Variants in UBR3 observed in about 807,000 individuals in gnomAD.
UBR3 encodes the protein E3 ubiquitin-protein ligase UBR3.
Under a neutral mutation model 243.2 loss-of-function variants are expected in UBR3, and 85 were observed. The ratio of observed to expected loss-of-function variants is 0.35; its 90% CI spans 0.29 to 0.42. The LOEUF is 0.42. UBR3 is among the 10% of genes least tolerant of loss of function. UBR3 has a pLI of 1.00. For missense variants in UBR3, 1,686 were observed against 2,300.8 expected (o/e 0.73, Z 5.47); for synonymous variants, 748 against 799.8 (o/e 0.94, Z 1.09).
chr2:170,014,971 GT>G (rs5836256), intron 29 of UBR3: 103,952 of 166,538 alleles, frequency 0.62, 31,355 homozygotes, highest in East Asian at 0.84. Flanking sequence ...ATATGTTGCA[GT>G]TTTTTTTTTT....
intron 1 of UBR3, among the ~76,000 whole-genome samples, chr2:169,848,708 A>ATT (rs35893950): frequency 1.4e-5 from 2 of 144,608 alleles, no homozygotes; most frequent in Admixed American, 6.9e-5. Context: ...AAGTTTTTTA[A>ATT]TTTTTTTTTT....
In UBR3 at chr2:169,923,923, T is replaced by G; in HGVS notation, c.1867-6T>G. 1 of 1,534,930 alleles carries G rather than the reference T, an allele frequency of 6.5e-7. No homozygotes were observed. Among genetic ancestry groups the G allele is most frequent in the Non-Finnish European group, 8.8e-7 (1 of 1,142,844 alleles). On this transcript the variant is annotated splice_polypyrimidine_tract_variant and splice_region_variant and intron_variant, in intron 11 of 38. Coordinates refer to ENST00000272793, the MANE Select transcript of UBR3 (RefSeq NM_172070.4). ...TTGACTTGTGCATTTTGTTTGTTTA[T>G]TCCAGCCAGCACCTAACCAAGTCAC...
intron 25 of UBR3, among the ~76,000 whole-genome samples, chr2:169,993,896 C>G (rs1465577003): frequency 6.6e-6 from 1 of 152,158 alleles, no homozygotes; most frequent in Non-Finnish European, 1.5e-5. Flanking sequence ...CTTCCTTGCT[C>G]TTTTTAATCA....
At chr2:169,913,349 GTTTGTTT>G (rs1229288784) in intron 10 of UBR3, among the ~76,000 whole-genome samples, 1 of 121,844 alleles carries the variant, frequency 8.2e-6, no homozygotes, top group Admixed American at 8.6e-5. Flanking sequence ...TTTTTTGTTT[GTTTGTTT>G]TTTGTTTTTT....
rs113297484 is a variant in UBR3, at chr2:169,965,889, A to G, written c.3634+7363A>G. On this transcript the variant is annotated intron_variant, in intron 24 of 38. Coordinates refer to ENST00000272793, the MANE Select transcript of UBR3 (RefSeq NM_172070.4). ...GTAGTTGCTCCTTTTTATTGTGTCT[A>G]TATCTTTGTATATAACAAAAATTCT... is the stretch of plus-strand genomic sequence containing the variant. Among the ~76,000 whole-genome samples, 10 of 152,330 alleles carry G rather than the reference A, an allele frequency of 6.6e-5. No individual in the cohort carries two copies. In the South Asian group the frequency reaches 1.9e-3, roughly 28 times the overall value.
Position 169,851,057 on chromosome 2 carries a change from T to C in UBR3, c.546-21179T>C, listed in dbSNP as rs115066508. Among the ~76,000 whole-genome samples, 1,185 of 152,346 alleles carry C rather than the reference T, an allele frequency of 7.8e-3. 13 individuals carry two copies. The highest frequency in any genetic ancestry group is 0.026 in the African/African-American group (1,071 of 41,570). On this transcript the variant is annotated intron_variant, in intron 1 of 38. Coordinates refer to ENST00000272793, the MANE Select transcript of UBR3 (RefSeq NM_172070.4). ...AATCCTTGTCTTTCAGTAGGTATGC[T>C]TAGACTATTCACAGTTGTTTTAATT...
chr2:170,014,660 T>C, intron 29 of UBR3: 1 of 152,194 alleles, frequency 6.6e-6, no homozygotes, highest in South Asian at 2.1e-4. Context: ...CAGGTCTGTA[T>C]GAACAGTATT....
intron 28 of UBR3, 96 bp downstream of exon 28, chr2:170,007,286 C>T: frequency 7.6e-7 from 1 of 1,309,320 alleles, no homozygotes; most frequent in South Asian, 1.5e-5. Context: ...TGGACTTTTA[C>T]ATATTTAGTA....
Position 169,946,400 on chromosome 2 carries a change from G to A in UBR3, c.2910+8G>A. On this transcript the variant is annotated splice_region_variant and intron_variant, in intron 21 of 38. Coordinates refer to ENST00000272793, the MANE Select transcript of UBR3 (RefSeq NM_172070.4). ...GAAGAATCAGATGAAGAGGTAAGTA[G>A]TTTTTATAATTTAAAATTTTTAGAT... The A allele has an allele frequency of 6.9e-7, 1 of 1,454,676 alleles. No individual in the cohort carries two copies. 90.1% of individuals were successfully genotyped at this position (1,454,676 alleles called of 1,614,324 possible). A position where few individuals can be genotyped will look rare whatever the true frequency, so the allele number is the denominator to read the frequency against.
At chr2:169,891,117 C>A in intron 5 of UBR3, 48 bp from the exon 6 acceptor site, 4 of 1,406,582 alleles carry the variant, frequency 2.8e-6, no homozygotes, top group South Asian at 2.5e-5. Flanking sequence ...TAAAGTGTAT[C>A]AATTTATGAA....
At chr2:169,851,836 CAAA>C (rs139828838) in intron 1 of UBR3, among the ~76,000 whole-genome samples, 12 of 90,482 alleles carry the variant, frequency 1.3e-4, no homozygotes, top group South Asian at 1.1e-3. Context: ...GGCTCCGTCT[CAAA>C]AAAAAAAAAA....
At chr2:169,899,210 C>G (rs900461348) in intron 8 of UBR3, among the ~76,000 whole-genome samples, 2 of 143,450 alleles carry the variant, frequency 1.4e-5, no homozygotes, top group Non-Finnish European at 1.5e-5. Flanking sequence ...GGACTCCTGA[C>G]GTCAGGTGAT....
intron 31 of UBR3, among the ~76,000 whole-genome samples, chr2:170,032,808 G>C (rs1420876627): frequency 1.3e-5 from 2 of 151,802 alleles, no homozygotes; most frequent in Non-Finnish European, 2.9e-5. Context: ...TTTAGCCAAG[G>C]CAGTATGTGC....
chr2:170,067,297 C>T (rs1399047874), intron 35 of UBR3, among the ~76,000 whole-genome samples: 1 of 152,062 alleles, frequency 6.6e-6, no homozygotes, highest in African/African-American at 2.4e-5. Context: ...AAATAAATTC[C>T]CTCTCTCAAT....
intron 31 of UBR3, among the ~76,000 whole-genome samples, chr2:170,037,853 T>C (rs1307767293): frequency 6.6e-6 from 1 of 152,212 alleles, no homozygotes; most frequent in Non-Finnish European, 1.5e-5. Flanking sequence ...TTGAAACATT[T>C]GTTAATTATG....
intron 1 of UBR3, among the ~76,000 whole-genome samples, chr2:169,834,291 T>C (rs1164933428): frequency 2.0e-5 from 3 of 152,234 alleles, no homozygotes; most frequent in Non-Finnish European, 4.4e-5. Context: ...GTTTTTGTAA[T>C]GTACTATGAT....
At chr2:169,950,918 G>A (rs558726126) in intron 23 of UBR3, among the ~76,000 whole-genome samples, 11 of 151,532 alleles carry the variant, frequency 7.3e-5, no homozygotes, top group Admixed American at 6.6e-4. Flanking sequence ...GCCTTCTAAT[G>A]AGTGTACACA....
intron 10 of UBR3, among the ~76,000 whole-genome samples, chr2:169,911,403 T>G (rs1332842537): frequency 1.3e-5 from 2 of 152,144 alleles, no homozygotes; most frequent in Non-Finnish European, 2.9e-5. Context: ...ATCATTTCAC[T>G]TGCCTCTTCA....
intron 1 of UBR3, among the ~76,000 whole-genome samples, chr2:169,829,232 A>T (rs1344737253): frequency 6.6e-6 from 1 of 151,922 alleles, no homozygotes; most frequent in Non-Finnish European, 1.5e-5. Flanking sequence ...ATTAAAAATG[A>T]ATGAAACATT....
Sources: allele counts gnomAD v4.1 joint callset (sites outside exome capture counted in the v4.1 genomes callset), GRCh38; gene constraint gnomAD v4.1.1; transcripts MANE v1.5; gene names NCBI Gene and HGNC (gene_info 2026-07-23, HGNC 2026-07-21).